Variants in RIMS1 observed in about 807,000 individuals in gnomAD.
The protein encoded by RIMS1 is regulating synaptic membrane exocytosis 1, also known as regulating synaptic membrane exocytosis protein 1.
Under a neutral mutation model 214.1 loss-of-function variants are expected in RIMS1, and 83 were observed. The ratio of observed to expected loss-of-function variants is 0.39; its 90% CI spans 0.32 to 0.47. RIMS1 has a LOEUF of 0.47. Among genes scored for constraint, RIMS1 ranks in the 20% least tolerant of loss-of-function variants. The pLI is 0.99. For missense variants in RIMS1, 2,050 were observed against 2,161.8 expected (o/e 0.95, Z 1.03); for synonymous variants, 793 against 786.8 (o/e 1.01, Z -0.13).
In RIMS1 at chr6:72,395,120, T is replaced by TA. The variant is rs558564011; in HGVS notation, c.4618+2317dup. ...ACCAATAACATGGCTTATATAAATTTAAAAAAATCTTTTGTAAGAGAGGAG... is the reference window on the plus strand; with the variant it reads ...ACCAATAACATGGCTTATATAAATTTAAAAAAAATCTTTTGTAAGAGAGGAG... On this transcript the variant is annotated intron_variant, in intron 31 of 33. Coordinates refer to ENST00000521978, the MANE Select transcript of RIMS1 (RefSeq NM_014989.7). 2.3e-4 allele frequency among the ~76,000 whole-genome samples: 35 copies of TA among 152,072 alleles called. No individual in the cohort carries two copies. In the Middle Eastern group the frequency reaches 0.01, roughly 44 times the overall value.
intron 1 of RIMS1, among the ~76,000 whole-genome samples, chr6:71,950,004 C>G (rs77329153): frequency 0.018 from 2,781 of 152,160 alleles, 81 homozygotes; most frequent in African/African-American, 0.061. Context: ...CATGGTAAAT[C>G]CATAAGGTAG....
At chr6:71,915,693 A>G (rs1778166769) in intron 1 of RIMS1, among the ~76,000 whole-genome samples, 1 of 152,164 alleles carries the variant, frequency 6.6e-6, no homozygotes, top group Admixed American at 6.6e-5. Context: ...CATGTTATAT[A>G]TATAAAGCAT....
In RIMS1 at chr6:71,969,034, T is replaced by G. The variant is rs1436681827; in HGVS notation, c.216T>G (p.Asn72Lys). ...CTGCTGCCTGCAAAACACCAAGAAATGCTGAAAACCAGCCCCACCAACCTT... is the reference window on the plus strand; with the variant it reads ...CTGCTGCCTGCAAAACACCAAGAAAGGCTGAAAACCAGCCCCACCAACCTT... ...AKPAACKTPR[N>K]AENQPHQPSP... Residue 72 changes from asparagine (N) to lysine (K), a missense_variant, in exon 2 of 34, where the codon AAT (asparagine) becomes AAG (lysine). Physicochemically the swap from Asn to Lys is moderately conservative, Grantham distance 94. Transcript: ENST00000521978. 6.2e-7 allele frequency: 1 copy of G among 1,613,882 alleles called. No homozygotes were observed. The highest frequency in any genetic ancestry group is 1.3e-5 in the African/African-American group (1 of 74,916).
Position 72,182,232 on chromosome 6 carries a change from T to C in RIMS1, c.813-52T>C. On this transcript the variant is annotated intron_variant, in intron 5 of 33. Transcript: ENST00000521978. Reference sequence around the variant, plus strand: ...TGGAATGAGAAGAAAACATGTTTTTTATGTCTAGTCTTTATAAATTGCTCT... The same window carrying C: ...TGGAATGAGAAGAAAACATGTTTTTCATGTCTAGTCTTTATAAATTGCTCT... 6 of 1,488,646 alleles carry C rather than the reference T, an allele frequency of 4.0e-6. No homozygotes were observed. The South Asian group carries it at 5.7e-5, about 14-fold the overall frequency. 92.2% of individuals were successfully genotyped at this position (1,488,646 alleles called of 1,614,324 possible). A position where few individuals can be genotyped will look rare whatever the true frequency, so the allele number is the denominator to read the frequency against.
At chr6:72,230,829 T>A (rs2061704392) in intron 6 of RIMS1, among the ~76,000 whole-genome samples, 2 of 151,580 alleles carry the variant, frequency 1.3e-5, no homozygotes, top group South Asian at 4.1e-4. Flanking sequence ...AATATAATGC[T>A]CAAAATTATA....
intron 2 of RIMS1, among the ~76,000 whole-genome samples, chr6:72,057,498 C>CTTTTTTTTTTTTTTT (rs56115719): frequency 1.6e-5 from 2 of 126,208 alleles, no homozygotes; most frequent in Non-Finnish European, 3.3e-5. Context: ...CCTTCTTTTT[C>CTTTTTTTTTTTTTTT]TTTTTTTTTT....
chr6:72,010,211 A>G (rs1271678909), intron 2 of RIMS1, among the ~76,000 whole-genome samples: 1 of 152,222 alleles, frequency 6.6e-6, no homozygotes, highest in Admixed American at 6.5e-5. Flanking sequence ...GCATATAAAC[A>G]GAAGCGAAGA....
chr6:72,044,384 A>C (rs1822360193), intron 2 of RIMS1, among the ~76,000 whole-genome samples: 1 of 151,952 alleles, frequency 6.6e-6, no homozygotes, highest in Admixed American at 6.6e-5. Context: ...AAAATTGATA[A>C]ATTGTATTTC....
chr6:72,202,439 CTCT>C (rs1213304350), intron 6 of RIMS1, among the ~76,000 whole-genome samples: 1 of 151,900 alleles, frequency 6.6e-6, no homozygotes, highest in African/African-American at 2.4e-5. Flanking sequence ...TCCAAATTTC[CTCT>C]TCTTGTAAGG....
chr6:72,064,044 GTGGTGGCTCACACC>G (rs1381425748), intron 2 of RIMS1, among the ~76,000 whole-genome samples: 3 of 152,192 alleles, frequency 2.0e-5, no homozygotes, highest in African/African-American at 7.2e-5. Flanking sequence ...TTGGCTGGAT[GTGGTGGCTCACACC>G]TGTAATTCCA....
At chr6:72,324,822 C>T (rs2007952) in intron 28 of RIMS1, among the ~76,000 whole-genome samples, 13,434 of 151,708 alleles carry the variant, frequency 0.089, 735 homozygotes, top group East Asian at 0.14. Flanking sequence ...GCTGTTTTCC[C>T]GCCACAACAA....
At chr6:72,052,457 G>T (rs899480900) in intron 2 of RIMS1, among the ~76,000 whole-genome samples, 2 of 152,144 alleles carry the variant, frequency 1.3e-5, no homozygotes, top group African/African-American at 4.8e-5. Context: ...ATCTCTGCAG[G>T]TGTACTTCCT....
At chr6:72,106,492 A>G (rs1168711002) in intron 4 of RIMS1, among the ~76,000 whole-genome samples, 1 of 152,172 alleles carries the variant, frequency 6.6e-6, no homozygotes, top group East Asian at 1.9e-4. Context: ...CCAATGTGCA[A>G]TTATAATGTT....
At chr6:72,329,870 C>G (rs2096600548) in intron 28 of RIMS1, among the ~76,000 whole-genome samples, 2 of 151,562 alleles carry the variant, frequency 1.3e-5, no homozygotes, top group Admixed American at 1.3e-4. Flanking sequence ...TGTTTGAGAG[C>G]CTTATTAGAT....
At chr6:72,076,593 C>A (rs1831943658) in intron 2 of RIMS1, among the ~76,000 whole-genome samples, 1 of 152,170 alleles carries the variant, frequency 6.6e-6, no homozygotes, top group South Asian at 2.1e-4. Flanking sequence ...TTTGAATATT[C>A]AGTCGATAAC....
intron 1 of RIMS1, among the ~76,000 whole-genome samples, chr6:71,941,428 G>T (rs1274465394): frequency 2.6e-5 from 4 of 152,048 alleles, no homozygotes; most frequent in Non-Finnish European, 5.9e-5. Flanking sequence ...TATAAATATT[G>T]TTCTGTTATT....
intron 2 of RIMS1, among the ~76,000 whole-genome samples, chr6:72,042,905 A>G (rs1821858902): frequency 6.6e-6 from 1 of 151,866 alleles, no homozygotes; most frequent in Non-Finnish European, 1.5e-5. Context: ...TATTCCGTGA[A>G]ATTAGTCAGT....
chr6:72,343,010 A>G (rs1305270094), intron 29 of RIMS1, among the ~76,000 whole-genome samples: 1 of 151,812 alleles, frequency 6.6e-6, no homozygotes, highest in Non-Finnish European at 1.5e-5. Flanking sequence ...GTTGTAAGAA[A>G]TTAATTGGTA....
intron 2 of RIMS1, among the ~76,000 whole-genome samples, chr6:72,044,801 TC>T (rs1257452244): frequency 6.6e-6 from 1 of 151,922 alleles, no homozygotes; most frequent in African/African-American, 2.4e-5. Context: ...GTTTGGCAAT[TC>T]CTTAAGTTAA....
Sources: allele counts gnomAD v4.1 joint callset (sites outside exome capture counted in the v4.1 genomes callset), GRCh38; gene constraint gnomAD v4.1.1; transcripts MANE v1.5; gene names NCBI Gene and HGNC (gene_info 2026-07-23, HGNC 2026-07-21).